SORCS1: variants seen among roughly 807,000 people sequenced by gnomAD.
The protein encoded by SORCS1 is sortilin related VPS10 domain containing receptor 1, also known as VPS10 domain-containing receptor SorCS1.
In SORCS1, 60 loss-of-function variants were observed where a neutral mutation model predicts 146.1. The observed-to-expected ratio is 0.41, with a 90% CI of 0.33 to 0.51. The LOEUF (loss-of-function observed/expected upper bound fraction) is 0.51, where lower values mean the gene tolerates loss of function less well. Among genes scored for constraint, SORCS1 ranks in the 20% least tolerant of loss-of-function variants. The pLI is 0.21. For synonymous variants in SORCS1, 637 were observed against 584.0 expected, an observed-to-expected ratio of 1.09 and a Z score of -1.31; for missense variants, 1,352 against 1,487.6, an observed-to-expected ratio of 0.91 and a Z score of 1.50.
intron 5 of SORCS1, among the ~76,000 whole-genome samples, chr10:106,748,138 T>C (rs1472230683): frequency 1.3e-5 from 2 of 152,186 alleles, no homozygotes; most frequent in Non-Finnish European, 2.9e-5. Flanking sequence ...TTGCTCTTCA[T>C]AGATACTGAG....
At chr10:107,099,845 G>T (rs1019739400) in intron 1 of SORCS1, among the ~76,000 whole-genome samples, 1 of 152,172 alleles carries the variant, frequency 6.6e-6, no homozygotes, top group African/African-American at 2.4e-5. Flanking sequence ...TGAAGTAAGA[G>T]ATTAATTAGC....
chr10:106,675,688 G>A (rs1374323489), intron 13 of SORCS1, among the ~76,000 whole-genome samples: 1 of 152,146 alleles, frequency 6.6e-6, no homozygotes, highest in East Asian at 1.9e-4. Flanking sequence ...AGTCCTGATG[G>A]TCACTGGAAT....
chr10:106,765,019 T>A (rs1400297864), intron 4 of SORCS1, among the ~76,000 whole-genome samples: 1 of 93,416 alleles, frequency 1.1e-5, no homozygotes, highest in Non-Finnish European at 2.0e-5. Flanking sequence ...CAAGACACTG[T>A]CTCAAAAAAA....
At chr10:106,695,634 A>T (rs546986444) in intron 9 of SORCS1, among the ~76,000 whole-genome samples, 1 of 152,332 alleles carries the variant, frequency 6.6e-6, no homozygotes, top group East Asian at 1.9e-4. Flanking sequence ...TGGGAGAGTT[A>T]TGGAAGGTTC....
At chr10:106,878,721 G>C (rs1014090803) in intron 2 of SORCS1, among the ~76,000 whole-genome samples, 1 of 146,000 alleles carries the variant, frequency 6.8e-6, no homozygotes, top group Non-Finnish European at 1.5e-5. Context: ...GTCCCTCTGG[G>C]TTTTTGTGTA....
chr10:106,721,042 C>T (rs1012232369), intron 6 of SORCS1, among the ~76,000 whole-genome samples: 1 of 150,300 alleles, frequency 6.7e-6, no homozygotes, highest in Non-Finnish European at 1.5e-5. Flanking sequence ...GAGCCTTTTG[C>T]AATACGAAAT....
intron 2 of SORCS1, among the ~76,000 whole-genome samples, chr10:106,841,654 G>A (rs1024371720): frequency 3.3e-5 from 5 of 152,192 alleles, no homozygotes; most frequent in African/African-American, 9.7e-5. Context: ...CACAGTATCT[G>A]AGGTATGCCT....
chr10:107,101,326 G>A (rs551838676), intron 1 of SORCS1, among the ~76,000 whole-genome samples: 4 of 152,276 alleles, frequency 2.6e-5, no homozygotes, highest in Non-Finnish European at 5.9e-5. Flanking sequence ...GATTACAGGC[G>A]TGAGCCACCG....
intron 18 of SORCS1, among the ~76,000 whole-genome samples, chr10:106,641,343 A>C (rs1849058098): frequency 6.6e-6 from 1 of 152,162 alleles, no homozygotes; most frequent in Non-Finnish European, 1.5e-5. Context: ...TTCTGGCTTG[A>C]GTACATACTA....
chr10:107,100,056 G>A (rs147523516), intron 1 of SORCS1, among the ~76,000 whole-genome samples: 2 of 152,282 alleles, frequency 1.3e-5, no homozygotes, highest in Non-Finnish European at 2.9e-5. Context: ...ATCTTTCTGG[G>A]TCACATAAAC....
At chr10:106,964,962 C>T (rs370469453) in intron 1 of SORCS1, among the ~76,000 whole-genome samples, 12 of 150,452 alleles carry the variant, frequency 8.0e-5, no homozygotes, top group African/African-American at 2.4e-4. Context: ...AGTAGAATGC[C>T]GTTTGCAGCA....
intron 1 of SORCS1, among the ~76,000 whole-genome samples, chr10:107,109,128 T>C (rs11193201): frequency 0.17 from 26,531 of 152,152 alleles, 3,041 homozygotes; most frequent in East Asian, 0.36. Context: ...AGGGGCATGG[T>C]GCAAGCTGCC....
At chr10:106,844,207 T>C (rs551914530) in intron 2 of SORCS1, among the ~76,000 whole-genome samples, 1 of 152,254 alleles carries the variant, frequency 6.6e-6, no homozygotes, top group Admixed American at 6.5e-5. Context: ...CCTATTCGTG[T>C]TCTTTGCCCA....
intron 1 of SORCS1, among the ~76,000 whole-genome samples, chr10:107,051,299 C>T (rs1306398918): frequency 6.6e-6 from 1 of 152,044 alleles, no homozygotes; most frequent in Non-Finnish European, 1.5e-5. Context: ...TTCCAAGGAG[C>T]TGAAATCTTA....
At chr10:107,170,013 T>G in the SORCS1 span, among the ~76,000 whole-genome samples, 1 of 152,326 alleles carries the variant, frequency 6.6e-6, no homozygotes, top group Non-Finnish European at 1.5e-5. Context: ...ATATTCATAC[T>G]TAAAGTGAAA....
chr10:106,592,188 C>A (rs1486560943), intron 24 of SORCS1, among the ~76,000 whole-genome samples: 1 of 152,158 alleles, frequency 6.6e-6, no homozygotes, highest in African/African-American at 2.4e-5. Flanking sequence ...AGAAACATAC[C>A]TGTCAGGAGT....
At chr10:106,771,365 A>G (rs906043258) in intron 4 of SORCS1, among the ~76,000 whole-genome samples, 10 of 152,188 alleles carry the variant, frequency 6.6e-5, no homozygotes, top group African/African-American at 2.4e-4. Flanking sequence ...CAGTTTGTAC[A>G]CTAGTTTATT....
intron 2 of SORCS1, among the ~76,000 whole-genome samples, chr10:106,954,985 G>A (rs1238697816): frequency 6.6e-6 from 1 of 152,232 alleles, no homozygotes; most frequent in Non-Finnish European, 1.5e-5. Flanking sequence ...GTCCTCTGTT[G>A]GCGCCAGGCA....
chr10:107,091,212 A>G (rs1002511507), intron 1 of SORCS1, among the ~76,000 whole-genome samples: 30 of 152,232 alleles, frequency 2.0e-4, no homozygotes, highest in African/African-American at 6.5e-4. Flanking sequence ...CTGCCTATGC[A>G]ACAGAGCTGG....
Sources: allele counts gnomAD v4.1 joint callset (sites outside exome capture counted in the v4.1 genomes callset), GRCh38; gene constraint gnomAD v4.1.1; transcripts MANE v1.5; gene names NCBI Gene and HGNC (gene_info 2026-07-23, HGNC 2026-07-21).